Variants in KMT5B observed in about 807,000 individuals in gnomAD.
KMT5B encodes the protein histone-lysine N-methyltransferase KMT5B.
Under a neutral mutation model 83.2 loss-of-function variants are expected in KMT5B, and 10 were observed. The ratio of observed to expected loss-of-function variants is 0.12; its 90% CI spans 0.07 to 0.20. The LOEUF is 0.20. Ranked by LOEUF, KMT5B falls within the 10% of genes least tolerant of loss-of-function variation. KMT5B has a pLI of 1.00. For synonymous variants in KMT5B, 349 were observed against 388.8 expected (o/e 0.90, Z 1.20); for missense variants, 753 against 1,067.2 (o/e 0.71, Z 4.10).
chr11:68,160,179 C>T (rs878897033), intron 10 of KMT5B, among the ~76,000 whole-genome samples: 4 of 152,264 alleles, frequency 2.6e-5, no homozygotes, highest in East Asian at 1.9e-4. Flanking sequence ...CAAGGTGGAT[C>T]GAATAGACGT....
intron 1 of KMT5B, among the ~76,000 whole-genome samples, chr11:68,212,921 G>A (rs1205708530): frequency 2.1e-5 from 3 of 144,760 alleles, no homozygotes; most frequent in Admixed American, 2.0e-4. Context: ...CCTTCCGGCC[G>A]CGGCCACCAC....
intron 1 of KMT5B, among the ~76,000 whole-genome samples, chr11:68,211,337 G>A (rs1265918827): frequency 3.3e-5 from 5 of 152,188 alleles, no homozygotes; most frequent in Non-Finnish European, 7.3e-5. Flanking sequence ...GTTTGGGAAA[G>A]CAGATGAAAA....
At chr11:68,189,862 A>G (rs1450435645) in intron 2 of KMT5B, 55 bp downstream of exon 2, 21 of 1,518,920 alleles carry the variant, frequency 1.4e-5, no homozygotes, top group Non-Finnish European at 1.6e-5. Flanking sequence ...CAAACTGGAA[A>G]GAATTACTAC....
intron 3 of KMT5B, among the ~76,000 whole-genome samples, chr11:68,180,756 G>A (rs1032236672): frequency 2.0e-5 from 3 of 152,094 alleles, no homozygotes; most frequent in African/African-American, 7.2e-5. Context: ...CCTCAAAAAG[G>A]GGGCATTACT....
chr11:68,166,043 G>C, intron 10 of KMT5B: 3 of 1,584,516 alleles, frequency 1.9e-6, no homozygotes, highest in Non-Finnish European at 2.6e-6. Context: ...GCTCTAAGGT[G>C]CCAAGAAGTC....
rs530152394 is a variant in KMT5B at position 68,206,787 on chromosome 11, T to A, written c.-77+6351A>T. Among the ~76,000 whole-genome samples, 3 of 151,864 alleles carry A rather than the reference T, an allele frequency of 2.0e-5. No individual in the cohort carries two copies. In the East Asian group the frequency reaches 5.8e-4, roughly 29 times the overall value. On this transcript the variant is annotated intron_variant, in intron 1 of 10. Transcript: ENST00000304363. ...GAAATTTCCCTTCTATTCCCCACCATAACTCACACATGAAAAAAAAAATCT... is the reference window on the plus strand; with the variant it reads ...GAAATTTCCCTTCTATTCCCCACCAAAACTCACACATGAAAAAAAAAATCT...
chr11:68,166,014 A>G, intron 10 of KMT5B: 2 of 1,612,242 alleles, frequency 1.2e-6, no homozygotes, highest in Non-Finnish European at 1.7e-6. Flanking sequence ...AGAACCTAAA[A>G]TAATCAGTAT....
In KMT5B at chr11:68,158,348, T is replaced by A. The variant is rs370541174; in HGVS notation, c.1998A>T (p.Thr666=). ...AACCGACGGGTGAAGGAGCACAGTC[T>A]GTGTAGCTCACAGGCACGCCCACAG... The part of the protein sequence containing the change: ...SGTVGVPVSY[T]DCAPSPVGCS... Residue 666 remains threonine (T), a synonymous_variant, in exon 11 of 11, where the codon ACA becomes ACT. Transcript: ENST00000304363. 8.7e-6 allele frequency: 14 copies of A among 1,614,074 alleles called. No homozygotes were observed. The highest frequency in any genetic ancestry group is 1.2e-5 in the Non-Finnish European group (14 of 1,180,026).
chr11:68,185,253 T>A (rs1225005050), intron 3 of KMT5B, among the ~76,000 whole-genome samples: 1 of 152,216 alleles, frequency 6.6e-6, no homozygotes, highest in Non-Finnish European at 1.5e-5. Flanking sequence ...TTGCCCAGAC[T>A]GGAGTGCAAT....
At chr11:68,164,639 CAG>C (rs1210351372) in intron 10 of KMT5B, 7 of 512,502 alleles carry the variant, frequency 1.4e-5, no homozygotes, top group South Asian at 4.3e-5. Flanking sequence ...CCCATGACCT[CAG>C]AGTTAGTCAT....
At position 68,157,353 on chromosome 11, in the gene KMT5B, A is replaced by C. The variant is rs1251941559; in HGVS notation, c.*335T>G. ...TATTAAAGAGCCAGCTGATGCTCTT[A>C]CAGTTAAAAAAACTGTGTAGCCACA... On this transcript the variant is annotated 3_prime_UTR_variant, in exon 11 of 11. Coordinates refer to ENST00000304363, the MANE Select transcript of KMT5B (RefSeq NM_017635.5). 5.2e-6 allele frequency: 1 copy of C among 190,640 alleles called. No homozygotes were observed. Among genetic ancestry groups the C allele is most frequent in the Non-Finnish European group, 1.1e-5 (1 of 94,276 alleles). 11.8% of individuals were successfully genotyped at this position (190,640 alleles called of 1,614,324 possible).
chr11:68,184,803 A>G (rs1396077967), intron 3 of KMT5B, among the ~76,000 whole-genome samples: 1 of 152,224 alleles, frequency 6.6e-6, no homozygotes, highest in Non-Finnish European at 1.5e-5. Context: ...TGGCAGATAC[A>G]TTTGTGAAAT....
intron 10 of KMT5B, chr11:68,165,769 G>A: frequency 6.6e-7 from 1 of 1,504,154 alleles, no homozygotes; most frequent in Non-Finnish European, 8.9e-7. Context: ...GTTAATGATT[G>A]ACTAACTCTT....
At chr11:68,160,615 T>G (rs1411963949) in intron 10 of KMT5B, among the ~76,000 whole-genome samples, 4 of 152,136 alleles carry the variant, frequency 2.6e-5, no homozygotes, top group Admixed American at 6.5e-5. Context: ...TGCCATTCCT[T>G]CCGCCCAGCT....
intron 10 of KMT5B, among the ~76,000 whole-genome samples, chr11:68,165,045 T>C (rs1009866547): frequency 6.6e-6 from 1 of 152,246 alleles, no homozygotes; most frequent in Admixed American, 6.5e-5. Flanking sequence ...TGTATTCTTA[T>C]CTTTTAAACT....
intron 4 of KMT5B, among the ~76,000 whole-genome samples, chr11:68,178,738 T>C (rs1856619091): frequency 6.6e-6 from 1 of 152,144 alleles, no homozygotes; most frequent in African/African-American, 2.4e-5. Flanking sequence ...ACAAATACTG[T>C]GGAAAATAAA....
intron 2 of KMT5B, among the ~76,000 whole-genome samples, chr11:68,189,183 G>T (rs1244411306): frequency 6.6e-6 from 1 of 152,230 alleles, no homozygotes; most frequent in East Asian, 1.9e-4. Context: ...ATTCACGTTA[G>T]AAAAAGAAGA....
intron 10 of KMT5B, among the ~76,000 whole-genome samples, chr11:68,160,692 A>G (rs1436564812): frequency 6.6e-6 from 1 of 152,224 alleles, no homozygotes; most frequent in African/African-American, 2.4e-5. Context: ...ACAACATTCC[A>G]AAAATATCAA....
At chr11:68,212,947 G>C (rs1178088786) in intron 1 of KMT5B, among the ~76,000 whole-genome samples, 191 bp downstream of exon 1, 2 of 139,668 alleles carry the variant, frequency 1.4e-5, no homozygotes, top group Non-Finnish European at 3.1e-5. Flanking sequence ...GCCCCGCGCC[G>C]GCCCCGCACC....
Sources: allele counts gnomAD v4.1 joint callset (sites outside exome capture counted in the v4.1 genomes callset), GRCh38; gene constraint gnomAD v4.1.1; transcripts MANE v1.5; gene names NCBI Gene and HGNC (gene_info 2026-07-23, HGNC 2026-07-21).